The following NFIC variants were observed in gnomAD, a reference collection of about 807,000 sequenced individuals.
The protein encoded by NFIC is nuclear factor I C.
NFIC carries 12 observed loss-of-function variants against 54.4 expected under a neutral mutation model. The ratio of observed to expected loss-of-function variants is 0.22; its 90% CI spans 0.14 to 0.36. The LOEUF is 0.36. NFIC is among the 10% of genes least tolerant of loss of function. The probability of loss-of-function intolerance (pLI) is 1.00; values close to 1 mark genes in which losing one functional copy is unlikely to be tolerated. For missense variants in NFIC, 575 were observed against 718.2 expected, an observed-to-expected ratio of 0.80 and a Z score of 2.28; for synonymous variants, 322 against 319.2, an observed-to-expected ratio of 1.01 and a Z score of -0.09.
In NFIC at chr19:3,366,591, C is replaced by A. The variant is rs1450631783; in HGVS notation, c.-46C>A. ...GTTTGGAAAAATGACTCAGTAAGTT[C>A]AGCGCGCCCGCTCCGGCCGGCCCTG... On this transcript the variant is annotated 5_prime_UTR_variant, in exon 1 of 11. Transcript: ENST00000443272. 2.3e-6 allele frequency: 3 copies of A among 1,283,938 alleles called. No homozygotes were observed. The highest frequency in any genetic ancestry group is 2.8e-5 in the South Asian group (2 of 71,004). The allele number at this position is 1,283,938 out of a possible 1,614,324, so 79.5% of individuals were successfully genotyped here.
chr19:3,371,036 T>C (rs2080999204), intron 1 of NFIC, among the ~76,000 whole-genome samples: 1 of 152,004 alleles, frequency 6.6e-6, no homozygotes, highest in Admixed American at 6.6e-5. Flanking sequence ...TTGATGGGGG[T>C]CACCAACACA....
At chr19:3,420,725 A>G (rs895797505) in intron 2 of NFIC, among the ~76,000 whole-genome samples, 4 of 151,450 alleles carry the variant, frequency 2.6e-5, no homozygotes, top group Non-Finnish European at 5.9e-5. Flanking sequence ...TAATTCATTC[A>G]TCACCTTTTT....
At chr19:3,363,364 C>T (rs117914623), upstream of NFIC, among the ~76,000 whole-genome samples, 27,039 of 148,122 alleles carry the variant, frequency 0.18, 2,765 homozygotes, top group East Asian at 0.32. Flanking sequence ...CTCCACCTCC[C>T]GAGTTCAAGC....
rs1201360378 is a variant in NFIC, at chr19:3,463,081, C to T, written c.*312C>T. The T allele has an allele frequency of 3.9e-6, 5 of 1,295,476 alleles. No homozygotes were observed. The highest frequency in any genetic ancestry group is 3.5e-5 in the East Asian group (1 of 28,646). The allele number at this position is 1,295,476 out of a possible 1,614,324, so 80.2% of individuals were successfully genotyped here. Reference sequence around the variant, plus strand: ...GGAGGGCCAGGCCCCGCCACCCCCACGGGAGACCCGGGACAGGGCGTCTTC... The same window carrying T: ...GGAGGGCCAGGCCCCGCCACCCCCATGGGAGACCCGGGACAGGGCGTCTTC... On this transcript the variant is annotated 3_prime_UTR_variant, in exon 11 of 11. Transcript: ENST00000443272.
intron 1 of NFIC, among the ~76,000 whole-genome samples, chr19:3,368,357 A>T (rs947574065): frequency 6.6e-6 from 1 of 152,014 alleles, no homozygotes; most frequent in Non-Finnish European, 1.5e-5. Flanking sequence ...GGGGGTTAGT[A>T]AGAACCCCAG....
intron 2 of NFIC, among the ~76,000 whole-genome samples, chr19:3,417,695 G>A (rs1273565768): frequency 6.9e-6 from 1 of 145,468 alleles, no homozygotes; most frequent in Non-Finnish European, 1.5e-5. Context: ...GCGCAATCTC[G>A]GCTCACTGCA....
chr19:3,423,445 A>T (rs1484223979), intron 2 of NFIC, among the ~76,000 whole-genome samples: 1 of 149,606 alleles, frequency 6.7e-6, no homozygotes, highest in Non-Finnish European at 1.5e-5. Context: ...GGTGGGCAGG[A>T]GGGGCGTGAT....
intron 2 of NFIC, among the ~76,000 whole-genome samples, chr19:3,384,535 A>C (rs1001199736): frequency 1.3e-5 from 2 of 152,086 alleles, no homozygotes; most frequent in Admixed American, 6.6e-5. Flanking sequence ...CTTACAGGTG[A>C]CTGCCACCAC....
At chr19:3,429,227 A>ACC (rs1234965251) in intron 3 of NFIC, among the ~76,000 whole-genome samples, 1 of 74,548 alleles carries the variant, frequency 1.3e-5, no homozygotes, top group African/African-American at 6.5e-5. Context: ...CCCTATCTCT[A>ACC]CCCCAAAAAA....
Position 3,465,784 on chromosome 19 carries a change from G to C in NFIC, c.*3015G>C, listed in dbSNP as rs370523643. The C allele has an allele frequency of 2.6e-5, 4 of 152,244 alleles. No homozygotes were observed. The highest frequency in any genetic ancestry group is 9.7e-5 in the African/African-American group (4 of 41,410). The allele number at this position is 152,244 out of a possible 1,614,324, so 9.4% of individuals were successfully genotyped here. On this transcript the variant is annotated 3_prime_UTR_variant, in exon 11 of 11. Transcript: ENST00000443272. ...CAACCATGGGGTGGCCACTCCACCCGCAGCCAGACTCCCCGCTCCCCACTT... is the reference window on the plus strand; with the variant it reads ...CAACCATGGGGTGGCCACTCCACCCCCAGCCAGACTCCCCGCTCCCCACTT...
chr19:3,434,205 C>T, intron 4 of NFIC, 72 bp from the exon 5 acceptor site: 1 of 1,531,624 alleles, frequency 6.5e-7, no homozygotes. Context: ...AGTGGCTTTC[C>T]CTACCTCTCT....
intron 3 of NFIC, among the ~76,000 whole-genome samples, chr19:3,432,707 G>C (rs1178891935): frequency 7.4e-6 from 1 of 134,786 alleles, no homozygotes; most frequent in Non-Finnish European, 1.5e-5. Flanking sequence ...GTCTTGCTCT[G>C]TTGCCCAGGC....
intron 2 of NFIC, among the ~76,000 whole-genome samples, chr19:3,395,613 C>T (rs1017844688): frequency 6.6e-6 from 1 of 151,572 alleles, no homozygotes; most frequent in African/African-American, 2.4e-5. Context: ...CCTCCTGCTT[C>T]AGCCTCCCAG....
At chr19:3,385,244 C>T (rs2081277174) in intron 2 of NFIC, among the ~76,000 whole-genome samples, 1 of 150,646 alleles carries the variant, frequency 6.6e-6, no homozygotes, top group Non-Finnish European at 1.5e-5. Context: ...GGTGCTCCAG[C>T]TCCTCATGGG....
chr19:3,464,509 A>G lies in NFIC; in HGVS notation c.*1740A>G. On this transcript the variant is annotated 3_prime_UTR_variant, in exon 11 of 11. Coordinates refer to ENST00000443272, the MANE Select transcript of NFIC (RefSeq NM_001245002.2). ...TGTTTTAGGGCCACCGAGCTCAAACACAAGGACCCCTCCCCGGCCCACCCA... is the reference window on the plus strand; with the variant it reads ...TGTTTTAGGGCCACCGAGCTCAAACGCAAGGACCCCTCCCCGGCCCACCCA... The G allele has an allele frequency of 2.0e-6, 2 of 979,232 alleles. No individual in the cohort carries two copies. The highest frequency in any genetic ancestry group is 2.4e-6 in the Non-Finnish European group (2 of 827,876). The allele number at this position is 979,232 out of a possible 1,614,324, so 60.7% of individuals were successfully genotyped here.
chr19:3,463,253 C>T lies in NFIC; in HGVS notation c.*484C>T. 3.0e-6 allele frequency: 3 copies of T among 991,422 alleles called. No individual in the cohort carries two copies. Among genetic ancestry groups the T allele is most frequent in the Non-Finnish European group, 3.6e-6 (3 of 834,360 alleles). 61.4% of individuals were successfully genotyped at this position (991,422 alleles called of 1,614,324 possible). A position where few individuals can be genotyped will look rare whatever the true frequency, so the allele number is the denominator to read the frequency against. On this transcript the variant is annotated 3_prime_UTR_variant, in exon 11 of 11. Coordinates refer to ENST00000443272, the MANE Select transcript of NFIC (RefSeq NM_001245002.2). Reference sequence around the variant, plus strand: ...CAGGGCCGACAGGCGCGACACCCAGCAAGGCCACCTCTCCCCGGGCCCCCG... The same window carrying T: ...CAGGGCCGACAGGCGCGACACCCAGTAAGGCCACCTCTCCCCGGGCCCCCG...
chr19:3,371,901 TTCC>T (rs1332341823), intron 1 of NFIC, among the ~76,000 whole-genome samples: 4 of 90,778 alleles, frequency 4.4e-5, no homozygotes, highest in Non-Finnish European at 5.2e-5. Context: ...CCTTCCTTCC[TTCC>T]TTCCTTCCTT....
At chr19:3,428,504 C>T (rs973436294) in intron 3 of NFIC, among the ~76,000 whole-genome samples, 3 of 151,140 alleles carry the variant, frequency 2.0e-5, no homozygotes, top group Non-Finnish European at 4.4e-5. Flanking sequence ...GTGGGTGAGG[C>T]GTCCTTCTTG....
intron 1 of NFIC, among the ~76,000 whole-genome samples, chr19:3,367,482 C>T (rs1341190541): frequency 6.6e-6 from 1 of 152,044 alleles, no homozygotes; most frequent in African/African-American, 2.4e-5. Context: ...TCCCCTCCCC[C>T]TCCCCCTCCC....
Sources: gnomAD v4.1 joint callset for allele counts (sites outside exome capture counted in the v4.1 genomes callset) on GRCh38, gnomAD v4.1.1 for gene constraint, MANE v1.5 for transcripts, NCBI Gene and HGNC (gene_info 2026-07-23, HGNC 2026-07-21) for gene names.